The following FAM184B variants were observed in gnomAD, a reference collection of about 807,000 sequenced individuals.
FAM184B encodes family with sequence similarity 184 member B.
A neutral mutation model predicts 135.9 loss-of-function variants in FAM184B; 111 were observed. The observed-to-expected ratio is 0.82, with a 90% CI of 0.70 to 0.96. The LOEUF is 0.96. FAM184B is among the 40% of genes least tolerant of loss of function. The pLI is 0.00. For synonymous variants in FAM184B, 552 were observed against 524.8 expected (o/e 1.05, Z -0.71); for missense variants, 1,375 against 1,323.9 (o/e 1.04, Z -0.60).
chr4:17,771,457 C>T (rs144775680), intron 1 of FAM184B, among the ~76,000 whole-genome samples: 95 of 152,254 alleles, frequency 6.2e-4, no homozygotes, highest in African/African-American at 2.2e-3. Context: ...TGAATCACAT[C>T]GCTAAATTAA....
At chr4:17,659,021 C>T (rs1577250446) in intron 9 of FAM184B, among the ~76,000 whole-genome samples, 1 of 152,250 alleles carries the variant, frequency 6.6e-6, no homozygotes, top group East Asian at 1.9e-4. Flanking sequence ...GAATGAACTA[C>T]GTGATTTACT....
intron 9 of FAM184B, among the ~76,000 whole-genome samples, chr4:17,659,735 C>T (rs942785176): frequency 7.9e-5 from 12 of 152,204 alleles, no homozygotes; most frequent in Admixed American, 1.3e-4. Context: ...ATCTGCCCCC[C>T]TCGGCCTCCC....
chr4:17,715,088 C>T (rs1717378299), intron 1 of FAM184B, among the ~76,000 whole-genome samples: 1 of 152,102 alleles, frequency 6.6e-6, no homozygotes, highest in Non-Finnish European at 1.5e-5. Context: ...CATATTTTCA[C>T]CGTCTTTTAT....
rs374123291 is a variant in FAM184B, at chr4:17,633,988, G to A, written c.2890-100C>T. 3.0e-3 allele frequency: 2,805 copies of A among 940,212 alleles called. 12 individuals carry two copies. Among genetic ancestry groups the A allele is most frequent in the Middle Eastern group, 0.021 (60 of 2,818 alleles). 58.2% of individuals were successfully genotyped at this position (940,212 alleles called of 1,614,324 possible). A position where few individuals can be genotyped will look rare whatever the true frequency, so the allele number is the denominator to read the frequency against. ...ATGCTCACCCAATCAAAATTGTATCGGAGAAGAAGCAACAATTTCATTTAT... is the reference window on the plus strand; with the variant it reads ...ATGCTCACCCAATCAAAATTGTATCAGAGAAGAAGCAACAATTTCATTTAT... On this transcript the variant is annotated intron_variant, in intron 16 of 17. Coordinates refer to ENST00000265018, the MANE Select transcript of FAM184B (RefSeq NM_015688.2).
In FAM184B at chr4:17,630,306, T is replaced by C. The variant is rs1239579397; in HGVS notation, c.*2226A>G. 1.3e-5 allele frequency: 2 copies of C among 152,202 alleles called. No individual in the cohort carries two copies. Among genetic ancestry groups the C allele is most frequent in the African/African-American group, 4.8e-5 (2 of 41,448 alleles). The allele number at this position is 152,202 out of a possible 1,614,324, so 9.4% of individuals were successfully genotyped here. ...CCAAAATTCATATGTTGGAACCTAA[T>C]GTCAATGTAATAGTATTAAGAGGTG... On this transcript the variant is annotated 3_prime_UTR_variant, in exon 18 of 18. Transcript: ENST00000265018.
Position 17,709,009 on chromosome 4 carries a change from C to T in FAM184B, c.777G>A (p.Gln259=), listed in dbSNP as rs1422521213. The change falls in exon 2 of 18, where the codon CAG becomes CAA. Residue 259 remains glutamine (Q), a synonymous_variant. Transcript: ENST00000265018. ...EKESDLRKNF[Q]VQESALQAQV... is the part of the protein sequence containing the mutation. ...GAGCCTGCAGGGCTGACTCCTGGAC[C>T]TGGAAGTTCTTGCGGAGGTCCGACT... is the stretch of plus-strand genomic sequence containing the variant. 3 of 1,550,494 alleles carry T rather than the reference C, an allele frequency of 1.9e-6. No individual in the cohort carries two copies. Among genetic ancestry groups the T allele is most frequent in the Admixed American group, 2.0e-5 (1 of 50,964 alleles).
chr4:17,688,926 T>G (rs991694509), intron 6 of FAM184B, among the ~76,000 whole-genome samples: 2 of 152,132 alleles, frequency 1.3e-5, no homozygotes, highest in South Asian at 4.1e-4. Context: ...CTCCTGACCT[T>G]AAGCGATCCG....
At chr4:17,771,750 A>G (rs1718821029) in intron 1 of FAM184B, among the ~76,000 whole-genome samples, 1 of 152,192 alleles carries the variant, frequency 6.6e-6, no homozygotes, top group Non-Finnish European at 1.5e-5. Flanking sequence ...CTCTCAGCCC[A>G]GGGAAGAGCT....
chr4:17,725,019 C>CTGAGGGTAGG (rs1455097563), intron 1 of FAM184B, among the ~76,000 whole-genome samples: 12 of 152,114 alleles, frequency 7.9e-5, no homozygotes, highest in Non-Finnish European at 1.5e-4. Flanking sequence ...CCCCGCATAC[C>CTGAGGGTAGG]TGAGGGTAGG....
chr4:17,685,231 A>T (rs1175217274), intron 7 of FAM184B, among the ~76,000 whole-genome samples: 2 of 149,384 alleles, frequency 1.3e-5, no homozygotes, highest in Admixed American at 1.4e-4. Context: ...AACCGAACTC[A>T]TTGAAAGACA....
At chr4:17,660,649 C>T (rs997137283) in intron 8 of FAM184B, among the ~76,000 whole-genome samples, 1 of 151,892 alleles carries the variant, frequency 6.6e-6, no homozygotes, top group Non-Finnish European at 1.5e-5. Flanking sequence ...AAAGTTTCTG[C>T]ATTCTAGATA....
At position 17,659,829 on chromosome 4, in the gene FAM184B, A is replaced by T; in HGVS notation, c.1824+129T>A. ...ATGAATAAATAAAACCAAGAATCCC[A>T]CTTTGCCCTGGTCCTGTAATGCCTT... On this transcript the variant is annotated intron_variant, in intron 9 of 17. Transcript: ENST00000265018. 5.6e-6 allele frequency: 7 copies of T among 1,243,096 alleles called. No homozygotes were observed. The South Asian group carries it at 1.1e-4, about 19-fold the overall frequency. 77.0% of individuals were successfully genotyped at this position (1,243,096 alleles called of 1,614,324 possible).
At chr4:17,757,709 T>C (rs1337102522) in intron 1 of FAM184B, among the ~76,000 whole-genome samples, 2 of 148,634 alleles carry the variant, frequency 1.3e-5, no homozygotes, top group Non-Finnish European at 2.9e-5. Flanking sequence ...CCGTATACTT[T>C]CTAATGTTAC....
intron 5 of FAM184B, among the ~76,000 whole-genome samples, chr4:17,699,862 G>C (rs1001134819): frequency 1.3e-5 from 2 of 152,060 alleles, no homozygotes; most frequent in Non-Finnish European, 2.9e-5. Context: ...GCAATGTACT[G>C]TGGGATTTAC....
rs71167316 is a variant in FAM184B, at chr4:17,641,461, C to CTTTTTTTTTTTTT, written c.2519+582_2519+594dup. ...TGCAGGGAAACAAACAGGACTCCCT[C>CTTTTTTTTTTTTT]TTTTTTTTTTTTTTTTTTTTTTTTT... On this transcript the variant is annotated intron_variant, in intron 13 of 17. Transcript: ENST00000265018. Among the ~76,000 whole-genome samples, 12 of 45,700 alleles carry CTTTTTTTTTTTTT rather than the reference C, an allele frequency of 2.6e-4. 3 individuals are homozygous for CTTTTTTTTTTTTT. The highest frequency in any genetic ancestry group is 3.4e-4 in the African/African-American group (4 of 11,868). 30.0% of individuals were successfully genotyped at this position (45,700 alleles called of 152,430 possible). A position where few individuals can be genotyped will look rare whatever the true frequency, so the allele number is the denominator to read the frequency against.
At chr4:17,685,128 C>T (rs1231681629) in intron 7 of FAM184B, among the ~76,000 whole-genome samples, 1 of 146,082 alleles carries the variant, frequency 6.8e-6, no homozygotes, top group Non-Finnish European at 1.5e-5. Context: ...TTGATAGGTA[C>T]AGCAAACCAC....
intron 7 of FAM184B, among the ~76,000 whole-genome samples, chr4:17,681,246 C>T (rs1716426070): frequency 6.6e-6 from 1 of 152,164 alleles, no homozygotes; most frequent in South Asian, 2.1e-4. Context: ...GGTTTGTGGA[C>T]TGTGTGAAGT....
intron 6 of FAM184B, among the ~76,000 whole-genome samples, chr4:17,691,877 AC>A (rs1303782528): frequency 2.0e-5 from 3 of 151,676 alleles, no homozygotes; most frequent in Non-Finnish European, 4.4e-5. Context: ...ACATGGTGAA[AC>A]CCCATCTCCA....
chr4:17,653,547 A>G (rs552898557), intron 10 of FAM184B, among the ~76,000 whole-genome samples: 44 of 151,570 alleles, frequency 2.9e-4, no homozygotes, highest in African/African-American at 9.9e-4. Flanking sequence ...TTTTTTCCCT[A>G]CTTTTTATTT....
Sources: gnomAD v4.1 joint callset for allele counts (sites outside exome capture counted in the v4.1 genomes callset) on GRCh38, gnomAD v4.1.1 for gene constraint, MANE v1.5 for transcripts, NCBI Gene and HGNC (gene_info 2026-07-23, HGNC 2026-07-21) for gene names.